Variants in IGF1R observed in about 807,000 individuals in gnomAD.
IGF1R encodes insulin like growth factor 1 receptor, also known as insulin-like growth factor 1 receptor.
A neutral mutation model predicts 144.6 loss-of-function variants in IGF1R; 44 were observed. The observed-to-expected ratio is 0.30, with a 90% CI of 0.24 to 0.39. The LOEUF (loss-of-function observed/expected upper bound fraction) is 0.39, where lower values mean the gene tolerates loss of function less well. IGF1R is among the 10% of genes least tolerant of loss of function. The pLI is 1.00. For missense variants in IGF1R, 1,355 were observed against 1,833.7 expected (o/e 0.74, Z 4.77); for synonymous variants, 795 against 722.8 (o/e 1.10, Z -1.60).
At position 98,649,458 on chromosome 15, in the gene IGF1R, T is replaced by C. The variant is rs929974958; in HGVS notation, c.-124T>C. On this transcript the variant is annotated 5_prime_UTR_variant, in exon 1 of 21. Coordinates refer to ENST00000650285, the MANE Select transcript of IGF1R (RefSeq NM_000875.5). ...GAGTATTGTTTCCTTCGCCCTTGTT[T>C]TTGGAGGGGGAGCGAAGACTGAGTT... The C allele has an allele frequency of 2.0e-5, 14 of 691,740 alleles. No homozygotes were observed. Among genetic ancestry groups the C allele is most frequent in the East Asian group, 5.9e-5 (2 of 33,700 alleles). The allele number at this position is 691,740 out of a possible 1,614,324, so 42.9% of individuals were successfully genotyped here.
chr15:98,659,679 AGT>A (rs200501254), intron 1 of IGF1R, among the ~76,000 whole-genome samples: 1,600 of 152,302 alleles, frequency 0.011, 11 homozygotes, highest in Middle Eastern at 0.02. Flanking sequence ...GTTAACACCT[AGT>A]GTGTCTTTTA....
intron 1 of IGF1R, among the ~76,000 whole-genome samples, chr15:98,672,196 A>G (rs1192416404): frequency 6.6e-6 from 1 of 152,206 alleles, no homozygotes; most frequent in African/African-American, 2.4e-5. Flanking sequence ...GCAACAAAGG[A>G]GAAGGATCCA....
intron 2 of IGF1R, among the ~76,000 whole-genome samples, chr15:98,854,070 T>C (rs1351207847): frequency 6.6e-6 from 1 of 152,212 alleles, no homozygotes; most frequent in Non-Finnish European, 1.5e-5. Context: ...TGGTGGAATA[T>C]GTTTAACCTT....
chr15:98,804,185 G>A (rs1375248048), intron 2 of IGF1R, among the ~76,000 whole-genome samples: 1 of 152,218 alleles, frequency 6.6e-6, no homozygotes, highest in Non-Finnish European at 1.5e-5. Flanking sequence ...TGTGGTCACT[G>A]GAGGGAATGG....
chr15:98,917,133 C>G (rs143534734), intron 10 of IGF1R, among the ~76,000 whole-genome samples: 3 of 152,142 alleles, frequency 2.0e-5, no homozygotes, highest in African/African-American at 7.2e-5. Flanking sequence ...CAGCCACAAC[C>G]CCCCACAGAG....
intron 2 of IGF1R, among the ~76,000 whole-genome samples, chr15:98,840,125 T>C (rs1047570263): frequency 1.3e-5 from 2 of 152,190 alleles, no homozygotes; most frequent in Non-Finnish European, 2.9e-5. Context: ...TTTTCTGTCC[T>C]TCCCGGACAT....
At chr15:98,730,102 T>C (rs1027681969) in intron 2 of IGF1R, among the ~76,000 whole-genome samples, 3 of 152,188 alleles carry the variant, frequency 2.0e-5, no homozygotes, top group African/African-American at 7.2e-5. Flanking sequence ...AGTTTTCTGT[T>C]GATGAAAGAA....
At chr15:98,868,771 G>T (rs1392960734) in intron 2 of IGF1R, among the ~76,000 whole-genome samples, 1 of 152,170 alleles carries the variant, frequency 6.6e-6, no homozygotes, top group East Asian at 1.9e-4. Context: ...GACAGCGTAT[G>T]CCAAGCGCTT....
chr15:98,850,503 G>A (rs1055612359), intron 2 of IGF1R, among the ~76,000 whole-genome samples: 3 of 152,232 alleles, frequency 2.0e-5, no homozygotes, highest in Non-Finnish European at 4.4e-5. Flanking sequence ...TGGCTCTGTA[G>A]CCATGTCCTC....
chr15:98,680,990 C>G (rs1281089734), intron 1 of IGF1R, among the ~76,000 whole-genome samples: 3 of 151,966 alleles, frequency 2.0e-5, no homozygotes, highest in African/African-American at 4.8e-5. Context: ...CAGTAATGCA[C>G]TACAGGTTTG....
At chr15:98,893,754 C>G (rs2014044074) in intron 3 of IGF1R, among the ~76,000 whole-genome samples, 1 of 152,214 alleles carries the variant, frequency 6.6e-6, no homozygotes, top group South Asian at 2.1e-4. Flanking sequence ...TTCTTCCGCT[C>G]TAGTGCACTC....
intron 19 of IGF1R, 137 bp downstream of exon 19, chr15:98,943,189 A>C (rs1033431005): frequency 4.1e-6 from 4 of 973,072 alleles, no homozygotes; most frequent in Non-Finnish European, 6.5e-6. Flanking sequence ...TGTGAGCCAC[A>C]CTTCTTCATC....
At chr15:98,741,114 T>TACCCA (rs2054729459) in intron 2 of IGF1R, among the ~76,000 whole-genome samples, 1 of 152,224 alleles carries the variant, frequency 6.6e-6, no homozygotes, top group East Asian at 1.9e-4. Flanking sequence ...CTTTGTCTTT[T>TACCCA]AGAATGACTC....
chr15:98,890,449 A>G (rs1466813975), intron 2 of IGF1R: 3 of 152,216 alleles, frequency 2.0e-5, no homozygotes, highest in Non-Finnish European at 4.4e-5. Flanking sequence ...AAGTTACCCT[A>G]TATGGTCTAA....
At chr15:98,936,006 A>G (rs1047225786) in intron 17 of IGF1R, among the ~76,000 whole-genome samples, 2 of 152,028 alleles carry the variant, frequency 1.3e-5, no homozygotes, top group African/African-American at 4.8e-5. Context: ...TTGCCCTTGC[A>G]TCTGGGAAGT....
At chr15:98,694,146 T>A (rs79899921) in intron 1 of IGF1R, among the ~76,000 whole-genome samples, 6 of 152,146 alleles carry the variant, frequency 3.9e-5, no homozygotes, top group Non-Finnish European at 8.8e-5. Context: ...ATTTTTTTTT[T>A]AAAGCATAAT....
rs1022524757 is a variant in IGF1R at position 98,818,946 on chromosome 15, A to G, written c.641-72379A>G. Among the ~76,000 whole-genome samples, 4 of 152,280 alleles carry G rather than the reference A, an allele frequency of 2.6e-5. 1 individual carries two copies. In the East Asian group the frequency reaches 7.7e-4, roughly 29 times the overall value. On this transcript the variant is annotated intron_variant, in intron 2 of 20. Transcript: ENST00000650285. The stretch of plus-strand genomic sequence containing the variant: ...AGGGAATGGAGACTGGGAGAGTGAA[A>G]GATACCTCTGAGACATTTTGGCTTG...
At chr15:98,848,438 T>G (rs988372939) in intron 2 of IGF1R, among the ~76,000 whole-genome samples, 1 of 152,196 alleles carries the variant, frequency 6.6e-6, no homozygotes, top group East Asian at 1.9e-4. Context: ...GCCAAGATAG[T>G]GCCATCCTCC....
intron 17 of IGF1R, among the ~76,000 whole-genome samples, chr15:98,938,916 G>A (rs1242203121): frequency 6.6e-6 from 1 of 152,158 alleles, no homozygotes; most frequent in Non-Finnish European, 1.5e-5. Flanking sequence ...TTAAAAAAAT[G>A]TTGCCCTACC....
Sources: gnomAD v4.1 joint callset for allele counts (sites outside exome capture counted in the v4.1 genomes callset) on GRCh38, gnomAD v4.1.1 for gene constraint, MANE v1.5 for transcripts, NCBI Gene and HGNC (gene_info 2026-07-23, HGNC 2026-07-21) for gene names.